The following IQGAP2 variants were observed in gnomAD, a reference collection of about 807,000 sequenced individuals.
IQGAP2 encodes the protein ras GTPase-activating-like protein IQGAP2.
IQGAP2 carries 173 observed loss-of-function variants against 201.3 expected under a neutral mutation model. The observed-to-expected ratio is 0.86, with a 90% CI of 0.76 to 0.98. IQGAP2 has a LOEUF of 0.98. IQGAP2 is among the 50% of genes least tolerant of loss of function. IQGAP2 has a pLI of 0.00. For missense variants in IQGAP2, 1,687 were observed against 1,864.8 expected (o/e 0.90, Z 1.76); for synonymous variants, 675 against 673.9 (o/e 1.00, Z -0.03).
At chr5:76,533,173 T>C (rs910015013) in intron 2 of IQGAP2, among the ~76,000 whole-genome samples, 3 of 152,182 alleles carry the variant, frequency 2.0e-5, no homozygotes, top group Non-Finnish European at 4.4e-5. Flanking sequence ...TGGGTGTTTT[T>C]TTTTTAACTC....
intron 17 of IQGAP2, among the ~76,000 whole-genome samples, chr5:76,651,471 T>C (rs2150426772): frequency 6.6e-6 from 1 of 152,254 alleles, no homozygotes; most frequent in African/African-American, 2.4e-5. Flanking sequence ...GGCATGGTGG[T>C]GCACACCTGT....
chr5:76,429,496 C>T (rs960210520), intron 1 of IQGAP2, among the ~76,000 whole-genome samples: 2 of 150,332 alleles, frequency 1.3e-5, no homozygotes, highest in African/African-American at 4.9e-5. Flanking sequence ...GGTGTGAACC[C>T]GGGAGGCGGA....
intron 15 of IQGAP2, among the ~76,000 whole-genome samples, chr5:76,632,793 G>A (rs1472269690): frequency 6.7e-6 from 1 of 149,332 alleles, no homozygotes; most frequent in African/African-American, 2.5e-5. Flanking sequence ...ACAGTGTGTG[G>A]CCTTAGAAGT....
At chr5:76,611,292 C>G (rs1264188110) in intron 13 of IQGAP2, 109 bp downstream of exon 13, 1 of 716,858 alleles carries the variant, frequency 1.4e-6, no homozygotes, top group Non-Finnish European at 2.2e-6. Flanking sequence ...CTTCTTGTCC[C>G]AACAATTACC....
Position 76,673,944 on chromosome 5 carries a change from A to G in IQGAP2, c.3210-8A>G, listed in dbSNP as rs766412160. On this transcript the variant is annotated splice_region_variant and splice_polypyrimidine_tract_variant and intron_variant, in intron 25 of 35. Coordinates refer to ENST00000274364, the MANE Select transcript of IQGAP2 (RefSeq NM_006633.5). ...ATTATTTTCTTTTGTCATCTGTTTT[A>G]TATGTAGTTATGGATTGAGGTATAT... 2.0e-6 allele frequency: 3 copies of G among 1,489,368 alleles called. No homozygotes were observed. The highest frequency in any genetic ancestry group is 2.8e-6 in the Non-Finnish European group (3 of 1,069,094). 92.3% of individuals were successfully genotyped at this position (1,489,368 alleles called of 1,614,324 possible).
At chr5:76,607,971 T>C (rs1747943523) in intron 12 of IQGAP2, 1 of 152,254 alleles carries the variant, frequency 6.6e-6, no homozygotes. Flanking sequence ...CTTACACAAA[T>C]GAAGGTATGT....
At chr5:76,458,665 A>AT (rs974765300) in intron 1 of IQGAP2, among the ~76,000 whole-genome samples, 11 of 152,150 alleles carry the variant, frequency 7.2e-5, no homozygotes, top group African/African-American at 2.4e-4. Context: ...GAGGGTACAC[A>AT]TTTTTTATAC....
At chr5:76,640,650 C>T (rs1373027861) in intron 16 of IQGAP2, among the ~76,000 whole-genome samples, 1 of 152,174 alleles carries the variant, frequency 6.6e-6, no homozygotes, top group African/African-American at 2.4e-5. Flanking sequence ...AGGCCTCATG[C>T]CTGGTCCTTG....
At chr5:76,516,426 C>G (rs1165514446) in intron 2 of IQGAP2, among the ~76,000 whole-genome samples, 1 of 151,988 alleles carries the variant, frequency 6.6e-6, no homozygotes, top group Non-Finnish European at 1.5e-5. Flanking sequence ...CAAGCTATAA[C>G]AAAACTTAAG....
chr5:76,595,776 G>GAGAC (rs1205665680), intron 9 of IQGAP2, among the ~76,000 whole-genome samples: 34 of 150,130 alleles, frequency 2.3e-4, no homozygotes, highest in African/African-American at 8.1e-4. Context: ...GAAAGAGAGA[G>GAGAC]AGAGAGAGAG....
intron 13 of IQGAP2, among the ~76,000 whole-genome samples, chr5:76,619,514 C>CTTT (rs773323091): frequency 7.5e-4 from 78 of 104,228 alleles, no homozygotes; most frequent in East Asian, 2.2e-3. Flanking sequence ...TAAGGATCTT[C>CTTT]TTTTTTTTTT....
intron 5 of IQGAP2, among the ~76,000 whole-genome samples, chr5:76,584,272 G>C (rs552553620): frequency 1.6e-4 from 24 of 152,250 alleles, no homozygotes; most frequent in African/African-American, 5.5e-4. Context: ...CAAGATCATT[G>C]AGCACAGCTG....
intron 1 of IQGAP2, among the ~76,000 whole-genome samples, chr5:76,428,843 A>C (rs560030419): frequency 1.5e-4 from 22 of 151,676 alleles, no homozygotes; most frequent in African/African-American, 5.3e-4. Flanking sequence ...CTGTAATCCC[A>C]GCACTGTGGG....
At chr5:76,528,669 C>T (rs1481036606) in intron 2 of IQGAP2, among the ~76,000 whole-genome samples, 1 of 152,144 alleles carries the variant, frequency 6.6e-6, no homozygotes, top group African/African-American at 2.4e-5. Flanking sequence ...GTCAGCCATT[C>T]ATTGCATCCT....
At chr5:76,587,724 G>T (rs926274110) in intron 5 of IQGAP2, among the ~76,000 whole-genome samples, 5 of 151,842 alleles carry the variant, frequency 3.3e-5, no homozygotes, top group African/African-American at 1.2e-4. Context: ...TGGCAGAGGT[G>T]GGTGGTCAGG....
chr5:76,496,773 C>CCTTTCTTTCTTTCTTTCT, intron 2 of IQGAP2, among the ~76,000 whole-genome samples: 1 of 75,554 alleles, frequency 1.3e-5, no homozygotes, highest in South Asian at 3.9e-4. Flanking sequence ...TTCTTTCTTT[C>CCTTTCTTTCTTTCTTTCT]TTTCTTTCTT....
intron 20 of IQGAP2, 22 bp downstream of exon 20, chr5:76,655,025 C>T: frequency 1.9e-6 from 3 of 1,571,490 alleles, no homozygotes; most frequent in Non-Finnish European, 2.6e-6. Context: ...CTTTCTGAAA[C>T]AAAGCAAGGA....
At chr5:76,515,945 A>G (rs1054802490) in intron 2 of IQGAP2, among the ~76,000 whole-genome samples, 1 of 141,838 alleles carries the variant, frequency 7.1e-6, no homozygotes, top group Admixed American at 7.5e-5. Flanking sequence ...TGGCGAGATC[A>G]TGGCTCACTG....
chr5:76,524,401 T>A (rs752424460), intron 2 of IQGAP2, among the ~76,000 whole-genome samples: 1 of 152,124 alleles, frequency 6.6e-6, no homozygotes, highest in South Asian at 2.1e-4. Context: ...TGTAGTAGGG[T>A]TCCTGTTGCC....
Sources: allele counts gnomAD v4.1 joint callset (sites outside exome capture counted in the v4.1 genomes callset), GRCh38; gene constraint gnomAD v4.1.1; transcripts MANE v1.5; gene names NCBI Gene and HGNC (gene_info 2026-07-23, HGNC 2026-07-21).